The following SYT14 variants were observed in gnomAD, a reference collection of about 807,000 sequenced individuals.
The protein encoded by SYT14 is synaptotagmin 14.
In SYT14, 32 loss-of-function variants were observed where a neutral mutation model predicts 74.2. The ratio of observed to expected loss-of-function variants is 0.43; its 90% CI spans 0.33 to 0.58. The LOEUF is 0.58. SYT14 is among the 20% of genes least tolerant of loss of function. The pLI is 0.05. For synonymous variants in SYT14, 298 were observed against 337.7 expected (o/e 0.88, Z 1.29); for missense variants, 791 against 981.8 (o/e 0.81, Z 2.60).
intron 5 of SYT14, among the ~76,000 whole-genome samples, chr1:210,043,190 T>C (rs1038986776): frequency 1.3e-5 from 2 of 152,184 alleles, no homozygotes; most frequent in Non-Finnish European, 2.9e-5. Flanking sequence ...TTCATTTCTT[T>C]TATTCTGCTT....
exon 10 of SYT14, chr1:210,164,156 T>G (rs1269953007): frequency 2.3e-6 from 1 of 426,106 alleles, no homozygotes; most frequent in Non-Finnish European, 4.7e-6. Context: ...AGAAGCTTTC[T>G]TCTATATTCT....
intron 5 of SYT14, among the ~76,000 whole-genome samples, chr1:210,079,674 A>C (rs2081583207): frequency 2.0e-5 from 3 of 152,124 alleles, no homozygotes; most frequent in African/African-American, 7.2e-5. Context: ...GAACACTGGA[A>C]AAAAAAATGT....
chr1:210,163,306 A>G (rs1161646997), exon 10 of SYT14: 1 of 453,716 alleles, frequency 2.2e-6, no homozygotes, highest in South Asian at 1.6e-5. Flanking sequence ...GATTTGATAC[A>G]TCCCTAGGGA....
chr1:210,143,579 AC>A (rs2102678733), intron 7 of SYT14, among the ~76,000 whole-genome samples: 1 of 152,042 alleles, frequency 6.6e-6, no homozygotes, highest in Admixed American at 6.5e-5. Context: ...TGTCCACCAG[AC>A]TACTAGAGAG....
exon 10 of SYT14, chr1:210,165,139 C>T (rs1028369014): frequency 5.3e-5 from 8 of 151,894 alleles, no homozygotes; most frequent in South Asian, 4.1e-4. Flanking sequence ...CAAGGTCATT[C>T]GGTAAGTAAG....
At chr1:210,019,710 C>T (rs2080263818) in intron 4 of SYT14, among the ~76,000 whole-genome samples, 1 of 152,150 alleles carries the variant, frequency 6.6e-6, no homozygotes, top group South Asian at 2.1e-4. Context: ...TCCTGTAACT[C>T]CCACTCAAAT....
intron 5 of SYT14, among the ~76,000 whole-genome samples, chr1:210,039,729 A>G (rs183634093): frequency 9.2e-4 from 140 of 152,342 alleles, no homozygotes; most frequent in African/African-American, 3.2e-3. Context: ...GGATATGAAC[A>G]GACACTTCTC....
At chr1:210,060,169 G>A (rs1572231253) in intron 5 of SYT14, among the ~76,000 whole-genome samples, 1 of 152,286 alleles carries the variant, frequency 6.6e-6, no homozygotes, top group East Asian at 1.9e-4. Context: ...GTAAATAGCA[G>A]ACATGGTTTC....
In SYT14 at chr1:210,016,324, AAAGC is replaced by A; in HGVS notation, c.325_328del (p.Gln109IlefsTer34). ...AAATAAATACTTGTAAAACTTCACTAAAGCAAGATCAAGGAATACATGAAGAAAG... is the reference window on the plus strand; with the variant it reads ...AAATAAATACTTGTAAAACTTCACTAAAGATCAAGGAATACATGAAGAAAG... On this transcript the variant is annotated frameshift_variant, in exon 4 of 10. Coordinates refer to ENST00000637265, the Ensembl canonical transcript of SYT14. LOFTEE classifies it high-confidence loss of function. 1 of 1,232,156 alleles carries A rather than the reference AAAGC, an allele frequency of 8.1e-7. No homozygotes were observed. Among genetic ancestry groups the A allele is most frequent in the Non-Finnish European group, 1.0e-6 (1 of 987,938 alleles). The allele number at this position is 1,232,156 out of a possible 1,614,324, so 76.3% of individuals were successfully genotyped here.
At chr1:210,169,175 C>G (rs1301486860) in exon 10 of SYT14, 1 of 145,158 alleles carries the variant, frequency 6.9e-6, no homozygotes, top group African/African-American at 2.6e-5. Context: ...ACATACCATA[C>G]AGTCATAAGA....
At chr1:210,163,771 A>G in exon 10 of SYT14, 1 of 453,788 alleles carries the variant, frequency 2.2e-6, no homozygotes, top group Non-Finnish European at 4.4e-6. Context: ...ACTTCACTCT[A>G]CTGAATCTAA....
chr1:210,113,828 G>A (rs181106863), intron 7 of SYT14, among the ~76,000 whole-genome samples: 11 of 151,230 alleles, frequency 7.3e-5, no homozygotes, highest in South Asian at 2.1e-4. Context: ...AAAAAGGAGC[G>A]CATAAAAGAA....
intron 5 of SYT14, among the ~76,000 whole-genome samples, chr1:210,074,872 T>C (rs1459114935): frequency 6.6e-6 from 1 of 152,120 alleles, no homozygotes; most frequent in Non-Finnish European, 1.5e-5. Flanking sequence ...GGGTGCTCTT[T>C]TAGTTTAGCC....
chr1:210,008,112 G>A (rs2080021705), intron 2 of SYT14, among the ~76,000 whole-genome samples: 1 of 152,100 alleles, frequency 6.6e-6, no homozygotes, highest in African/African-American at 2.4e-5. Context: ...TTGCAGTGAG[G>A]ATTAAATAAG....
exon 10 of SYT14, chr1:210,170,206 AGTATAAACACATGTC>A: frequency 6.6e-6 from 1 of 152,312 alleles, no homozygotes; most frequent in East Asian, 1.9e-4. Flanking sequence ...GGATCTTATT[AGTATAAACACATGTC>A]TGTGTGGTTA....
intron 5 of SYT14, among the ~76,000 whole-genome samples, chr1:210,086,434 T>C (rs2081733544): frequency 6.6e-6 from 1 of 152,238 alleles, no homozygotes; most frequent in Non-Finnish European, 1.5e-5. Flanking sequence ...ACTATATTTA[T>C]TTTGAGCTCA....
At chr1:210,168,015 G>A (rs966469540) in exon 10 of SYT14, 1 of 153,054 alleles carries the variant, frequency 6.5e-6, no homozygotes, top group Middle Eastern at 1.3e-3. Flanking sequence ...ACTACAGAAA[G>A]AGCAAAGCGT....
chr1:210,012,393 G>A (rs1185631283), intron 2 of SYT14, among the ~76,000 whole-genome samples: 1 of 152,180 alleles, frequency 6.6e-6, no homozygotes, highest in African/African-American at 2.4e-5. Context: ...CTCCAAATAT[G>A]TAAGTTGGTT....
chr1:210,061,427 G>T (rs2081205947), intron 5 of SYT14, among the ~76,000 whole-genome samples: 1 of 152,018 alleles, frequency 6.6e-6, no homozygotes, highest in African/African-American at 2.4e-5. Context: ...CAAGTTATTG[G>T]TAAACATTTA....
Sources: gnomAD v4.1 joint callset for allele counts (sites outside exome capture counted in the v4.1 genomes callset) on GRCh38, gnomAD v4.1.1 for gene constraint, MANE v1.5 for transcripts, NCBI Gene and HGNC (gene_info 2026-07-23, HGNC 2026-07-21) for gene names.